The following TJP2 variants were observed in gnomAD, a reference collection of about 807,000 sequenced individuals.
TJP2 encodes the protein tight junction protein 2, also known as Friedreich ataxia region gene X104 (tight junction protein ZO-2).
In TJP2, 91 loss-of-function variants were observed where a neutral mutation model predicts 133.1. That is an observed-to-expected ratio of 0.68 (90% CI 0.58 to 0.81). The LOEUF (loss-of-function observed/expected upper bound fraction) is 0.81, where lower values mean the gene tolerates loss of function less well. Ranked by LOEUF, TJP2 falls within the 40% of genes least tolerant of loss-of-function variation. The pLI is 0.00. For synonymous variants in TJP2, 592 were observed against 583.4 expected, an observed-to-expected ratio of 1.01 and a Z score of -0.21; for missense variants, 1,541 against 1,565.6, an observed-to-expected ratio of 0.98 and a Z score of 0.26.
chr9:69,195,360 C>T (rs1329022148), intron 1 of TJP2, among the ~76,000 whole-genome samples: 2 of 151,456 alleles, frequency 1.3e-5, no homozygotes, highest in African/African-American at 4.9e-5. Flanking sequence ...CTGTTTATAG[C>T]TTAGCTTAGT....
rs1222175344 is a variant in TJP2 at position 69,230,143 on chromosome 9, G to A, written c.1582G>A (p.Gly528Ser). 3.1e-6 allele frequency: 5 copies of A among 1,614,092 alleles called. No individual in the cohort carries two copies. The highest frequency in any genetic ancestry group is 4.2e-6 in the Non-Finnish European group (5 of 1,180,038). ...GDSVGLRLAG[G>S]NDVGIFVAGI... ...CAGCGTGGGCCTCCGGTTGGCTGGT[G>A]GCAATGATGTCGGGATATTTGTTGC... The change falls in exon 11 of 23, where the codon GGC becomes AGC. Residue 528 changes from glycine (G) to serine (S), a missense_variant. Transcript: ENST00000377245.
chr9:69,222,726 C>G (rs1371815117), intron 5 of TJP2, among the ~76,000 whole-genome samples: 1 of 152,092 alleles, frequency 6.6e-6, no homozygotes, highest in Non-Finnish European at 1.5e-5. Context: ...CCTGGGCACC[C>G]CTTAGAAATG....
intron 1 of TJP2, among the ~76,000 whole-genome samples, chr9:69,177,182 C>T (rs1825158129): frequency 6.6e-6 from 1 of 152,098 alleles, no homozygotes; most frequent in Non-Finnish European, 1.5e-5. Context: ...ATCAGGGGCC[C>T]AACAGTTGTT....
At chr9:69,136,961 C>T (rs775589098) in intron 1 of TJP2, among the ~76,000 whole-genome samples, 4 of 152,184 alleles carry the variant, frequency 2.6e-5, no homozygotes, top group African/African-American at 4.8e-5. Flanking sequence ...CTCAGGGCAA[C>T]GCTTTGTGTG....
chr9:69,195,141 C>T (rs574547967), intron 1 of TJP2, among the ~76,000 whole-genome samples: 12 of 151,964 alleles, frequency 7.9e-5, no homozygotes, highest in African/African-American at 2.7e-4. Flanking sequence ...TTGACAAAGC[C>T]GTTTATGATT....
intron 1 of TJP2, among the ~76,000 whole-genome samples, chr9:69,151,248 G>C (rs577456530): frequency 3.3e-5 from 5 of 152,280 alleles, no homozygotes; most frequent in Admixed American, 2.6e-4. Context: ...TTGGGAAGTC[G>C]AGGTGGGTGG....
chr9:69,169,648 C>T (rs1441090777), upstream of TJP2, among the ~76,000 whole-genome samples: 2 of 152,086 alleles, frequency 1.3e-5, no homozygotes, highest in Non-Finnish European at 2.9e-5. Flanking sequence ...GCGTGAGCCA[C>T]CGTACCCGGC....
chr9:69,132,292 G>A (rs7850547), intron 1 of TJP2, among the ~76,000 whole-genome samples: 69,053 of 152,092 alleles, frequency 0.45, 15,788 homozygotes, highest in East Asian at 0.61. Flanking sequence ...AGTCCTGGCA[G>A]TGGTGGGAAT....
Position 69,204,906 on chromosome 9 carries a change from A to G in TJP2, c.61-7642A>G. 2 of 1,233,708 alleles carry G rather than the reference A, an allele frequency of 1.6e-6. 1 individual carries two copies. The highest frequency in any genetic ancestry group is 6.3e-4 in the Middle Eastern group (2 of 3,164). 76.4% of individuals were successfully genotyped at this position (1,233,708 alleles called of 1,614,324 possible). A position where few individuals can be genotyped will look rare whatever the true frequency, so the allele number is the denominator to read the frequency against. ...ACTCGGATGCTCTAGTTCCCTGGCA[A>G]GGGAGAGAGAGGGAGAGAAAGAAAG... On this transcript the variant is annotated intron_variant, in intron 1 of 22. Transcript: ENST00000377245.
chr9:69,155,223 T>C (rs1823687051), intron 2 of TJP2, among the ~76,000 whole-genome samples: 1 of 68,618 alleles, frequency 1.5e-5, no homozygotes, highest in African/African-American at 6.3e-5. Context: ...TGAAACTCCA[T>C]TTCCAAAAAA....
At chr9:69,198,907 G>C (rs1826791500) in intron 1 of TJP2, among the ~76,000 whole-genome samples, 1 of 152,208 alleles carries the variant, frequency 6.6e-6, no homozygotes, top group Non-Finnish European at 1.5e-5. Context: ...ACAGGTAAGT[G>C]CCCTGAAGCC....
intron 1 of TJP2, among the ~76,000 whole-genome samples, chr9:69,206,974 C>G (rs1010163408): frequency 6.6e-6 from 1 of 152,114 alleles, no homozygotes; most frequent in South Asian, 2.1e-4. Flanking sequence ...TGCCATGAGC[C>G]CATTACACAT....
At chr9:69,236,891 A>G (rs1830228474) in intron 13 of TJP2, 58 bp from the exon 14 acceptor site, 1 of 1,568,800 alleles carries the variant, frequency 6.4e-7, no homozygotes, top group Non-Finnish European at 8.8e-7. Flanking sequence ...GATTAATGAA[A>G]TGCATGTTAG....
At chr9:69,169,297 G>T (rs1312516689), upstream of TJP2, among the ~76,000 whole-genome samples, 1 of 150,088 alleles carries the variant, frequency 6.7e-6, no homozygotes, top group African/African-American at 2.4e-5. Flanking sequence ...TACGATTCCA[G>T]TCTACTTTAC....
intron 17 of TJP2, among the ~76,000 whole-genome samples, chr9:69,242,347 T>G (rs1830633332): frequency 6.6e-6 from 1 of 152,216 alleles, no homozygotes; most frequent in Non-Finnish European, 1.5e-5. Flanking sequence ...TTCCCAGCGT[T>G]GTGTGCCTGA....
At chr9:69,249,237 C>G in intron 19 of TJP2, 138 bp from the exon 20 acceptor site, 1 of 1,499,304 alleles carries the variant, frequency 6.7e-7, no homozygotes, top group Non-Finnish European at 8.9e-7. Context: ...TGGTTTCTGC[C>G]TGTTCAGTAA....
chr9:69,174,155 G>A, upstream of TJP2: 2 of 1,269,124 alleles, frequency 1.6e-6, no homozygotes, highest in Non-Finnish European at 2.0e-6. Context: ...TCCCGGGCCG[G>A]GCGGCCAGCG....
chr9:69,220,902 C>T lies in TJP2; in HGVS notation c.358C>T (p.Arg120Trp), dbSNP rs1308059011. 6.2e-6 allele frequency: 10 copies of T among 1,612,180 alleles called. No individual in the cohort carries two copies. Among genetic ancestry groups the T allele is most frequent in the Middle Eastern group, 2.2e-4 (1 of 4,500 alleles). Residue 120 changes from arginine (R) to tryptophan (W), a missense_variant, in exon 5 of 23, where the codon CGG becomes TGG. Transcript: ENST00000377245. Reference sequence around the variant, plus strand: ...TTGACAACAGGTGGTCAAGAGGCCCCGGAAGGTCCAGGTGGCCGCACTTCA... The same window carrying T: ...TTGACAACAGGTGGTCAAGAGGCCCTGGAAGGTCCAGGTGGCCGCACTTCA... Reference protein sequence around the residue: ...KVAAIVVKRPRKVQVAALQAS... With the variant: ...KVAAIVVKRPWKVQVAALQAS...
chr9:69,251,033 A>G lies in TJP2; in HGVS notation c.2992-2A>G, dbSNP rs1027764297. The G allele has an allele frequency of 6.2e-7, 1 of 1,614,106 alleles. No homozygotes were observed. The highest frequency in any genetic ancestry group is 8.5e-7 in the Non-Finnish European group (1 of 1,179,956). ...GTGAAAACGTGTCATTGCTCTCCGC[A>G]GGCCAAAACCCAGAACAAAGAAGAA... On this transcript the variant is annotated splice_acceptor_variant, in intron 20 of 22. Coordinates refer to ENST00000377245, the MANE Select transcript of TJP2 (RefSeq NM_004817.4). LOFTEE classifies it high-confidence loss of function.
Sources: gnomAD v4.1 joint callset for allele counts (sites outside exome capture counted in the v4.1 genomes callset) on GRCh38, gnomAD v4.1.1 for gene constraint, MANE v1.5 for transcripts, NCBI Gene and HGNC (gene_info 2026-07-23, HGNC 2026-07-21) for gene names.